IGF2: variants seen among roughly 807,000 people sequenced by gnomAD.
IGF2 encodes the protein insulin-like growth factor 2.
IGF2 carries 2 observed loss-of-function variants against 12.0 expected under a neutral mutation model. The ratio of observed to expected loss-of-function variants is 0.17; its 90% CI spans 0.07 to 0.52. The LOEUF is 0.52. Ranked by LOEUF, IGF2 falls within the 20% of genes least tolerant of loss-of-function variation. The probability of loss-of-function intolerance (pLI) is 0.95; values close to 1 mark genes in which losing one functional copy is unlikely to be tolerated. For missense variants in IGF2, 211 were observed against 268.0 expected (o/e 0.79, Z 1.48); for synonymous variants, 105 against 110.1 (o/e 0.95, Z 0.29).
At position 2,130,161 on chromosome 11, in the gene IGF2, C is replaced by G. The variant is rs965081074; in HGVS notation, c.*2826G>C. 4.3e-6 allele frequency: 1 copy of G among 230,764 alleles called. No individual in the cohort carries two copies. The highest frequency in any genetic ancestry group is 2.2e-5 in the African/African-American group (1 of 45,102). The allele number at this position is 230,764 out of a possible 1,614,324, so 14.3% of individuals were successfully genotyped here. A position where few individuals can be genotyped will look rare whatever the true frequency, so the allele number is the denominator to read the frequency against. ...CCTGATGGAACCCTCTGTTTACACACCTGCTAGCCCCTTCCCCTCCGGCCA... is the reference window on the plus strand; with the variant it reads ...CCTGATGGAACCCTCTGTTTACACAGCTGCTAGCCCCTTCCCCTCCGGCCA... On this transcript the variant is annotated 3_prime_UTR_variant, in exon 4 of 4. Transcript: ENST00000416167.
intron 1 of IGF2, 97 bp downstream of exon 1, chr11:2,138,132 C>T: frequency 2.6e-6 from 2 of 781,762 alleles, no homozygotes; most frequent in Non-Finnish European, 3.1e-6. Context: ...GCCCCGCAGG[C>T]CCCGGGCCGG....
chr11:2,137,109 G>A, intron 1 of IGF2: 1 of 459,332 alleles, frequency 2.2e-6, no homozygotes, highest in Non-Finnish European at 2.9e-6. Flanking sequence ...AGGCCCAGGC[G>A]TGGGCCGTGC....
Position 2,130,591 on chromosome 11 carries a change from A to C in IGF2, c.*2396T>G, listed in dbSNP as rs1343124693. 19 of 203,502 alleles carry C rather than the reference A, an allele frequency of 9.3e-5. No homozygotes were observed. The highest frequency in any genetic ancestry group is 2.4e-4 in the African/African-American group (9 of 38,216). 12.6% of individuals were successfully genotyped at this position (203,502 alleles called of 1,614,324 possible). A position where few individuals can be genotyped will look rare whatever the true frequency, so the allele number is the denominator to read the frequency against. On this transcript the variant is annotated 3_prime_UTR_variant, in exon 4 of 4. Coordinates refer to ENST00000416167, the MANE Select transcript of IGF2 (RefSeq NM_000612.6). The stretch of plus-strand genomic sequence containing the variant: ...CTAAGGAGGGGTAAAAAAAAAACAA[A>C]AAAAAAAAAAAAAGGAAAAATGCCC...
upstream of IGF2, chr11:2,140,435 C>G (rs1328471365): frequency 4.3e-6 from 3 of 704,930 alleles, no homozygotes; most frequent in African/African-American, 5.6e-5. Flanking sequence ...GAATCTCGCG[C>G]CCCCCTGGCC....
rs1003908359 is a variant in IGF2, at chr11:2,134,840, C to A, written c.157+527G>T. Among the ~76,000 whole-genome samples, 8 of 152,214 alleles carry A rather than the reference C, an allele frequency of 5.3e-5. No homozygotes were observed. The South Asian group carries it at 6.2e-4, about 12-fold the overall frequency. ...TTGAGGTCAGCAGGTGGGCACCCCC[C>A]ACGGCAGCCTTGGGGCCCAAGGAGG... On this transcript the variant is annotated intron_variant, in intron 2 of 3. Coordinates refer to ENST00000416167, the MANE Select transcript of IGF2 (RefSeq NM_000612.6).
upstream of IGF2, among the ~76,000 whole-genome samples, chr11:2,144,393 G>A (rs1008912935): frequency 2.0e-5 from 3 of 152,224 alleles, no homozygotes; most frequent in Non-Finnish European, 2.9e-5. Context: ...CACCCCCGGT[G>A]GCCACCTCCG....
chr11:2,145,284 C>G (rs1294031787), upstream of IGF2, among the ~76,000 whole-genome samples: 1 of 152,188 alleles, frequency 6.6e-6, no homozygotes, highest in Non-Finnish European at 1.5e-5. Flanking sequence ...TGCAGGGTGA[C>G]TTGTAAATTT....
At chr11:2,148,725 G>GA in the IGF2 span, 113 of 207,862 alleles carry the variant, frequency 5.4e-4, 1 homozygote, top group Middle Eastern at 3.7e-3. The surrounding 1 kb of genome is among the most constrained non-coding windows in gnomAD (Gnocchi z 4.3). Flanking sequence ...TGGGATGGGG[G>GA]ATGCAACGGG....
At chr11:2,139,448 G>A (rs2133609884), upstream of IGF2, 3 of 146,990 alleles carry the variant, frequency 2.0e-5, no homozygotes, top group East Asian at 4.0e-4. Context: ...CCCAGGGCCC[G>A]CGCGGGCCTC....
At chr11:2,140,193 A>C, upstream of IGF2, 1 of 1,613,208 alleles carries the variant, frequency 6.2e-7, no homozygotes, top group Non-Finnish European at 8.5e-7. Flanking sequence ...GCCCACCCAA[A>C]ATATCTGGAT....
the IGF2 span, chr11:2,147,896 C>G: frequency 9.9e-7 from 1 of 1,008,228 alleles, no homozygotes; most frequent in Non-Finnish European, 1.3e-6. The surrounding 1 kb of genome is among the most constrained non-coding windows in gnomAD (Gnocchi z 7.2). Context: ...AGCCCTGTCC[C>G]ATCCCCCTCC....
upstream of IGF2, chr11:2,140,601 T>G: frequency 2.0e-6 from 1 of 511,358 alleles, no homozygotes; most frequent in East Asian, 4.9e-5. Context: ...CCGCCCCACT[T>G]TGGGACCCTC....
At chr11:2,137,592 G>C in intron 1 of IGF2, among the ~76,000 whole-genome samples, 1 of 152,048 alleles carries the variant, frequency 6.6e-6, no homozygotes, top group East Asian at 1.9e-4. Flanking sequence ...ACTGGGCAGG[G>C]GCCGCGGCCT....
intron 2 of IGF2, among the ~76,000 whole-genome samples, chr11:2,134,746 C>T (rs1858874218): frequency 6.6e-6 from 1 of 152,092 alleles, no homozygotes; most frequent in Non-Finnish European, 1.5e-5. Context: ...GACAATGGGC[C>T]ATGCACCCAC....
In IGF2 at chr11:2,138,392, G is replaced by T. The variant is rs988506493; in HGVS notation, c.-170C>A. On this transcript the variant is annotated 5_prime_UTR_variant, in exon 1 of 4. Coordinates refer to ENST00000416167, the MANE Select transcript of IGF2 (RefSeq NM_000612.6). ...AGCGGGGGGATGGCTTTTTTTTGGG[G>T]GGGGGGGGAGAATTCGTCTGATTGT... 1.7e-5 allele frequency: 9 copies of T among 545,150 alleles called. No homozygotes were observed. The highest frequency in any genetic ancestry group is 1.5e-4 in the East Asian group (1 of 6,488). 33.8% of individuals were successfully genotyped at this position (545,150 alleles called of 1,614,324 possible). A position where few individuals can be genotyped will look rare whatever the true frequency, so the allele number is the denominator to read the frequency against.
upstream of IGF2, chr11:2,141,130 C>A: frequency 5.1e-6 from 1 of 195,428 alleles, no homozygotes; most frequent in Non-Finnish European, 1.1e-5. Flanking sequence ...TGTGTTTGGG[C>A]AACGCTAGAG....
upstream of IGF2, chr11:2,140,043 C>T (rs1440266066): frequency 2.9e-5 from 38 of 1,307,652 alleles, no homozygotes; most frequent in Non-Finnish European, 3.6e-5. Context: ...GCCGGCTGCG[C>T]CGGGCCGAAT....
chr11:2,133,268 T>A lies in IGF2; in HGVS notation c.307-45A>T. 7.4e-7 allele frequency: 1 copy of A among 1,355,820 alleles called. No homozygotes were observed. The highest frequency in any genetic ancestry group is 1.0e-6 in the Non-Finnish European group (1 of 992,938). The allele number at this position is 1,355,820 out of a possible 1,614,324, so 84.0% of individuals were successfully genotyped here. A position where few individuals can be genotyped will look rare whatever the true frequency, so the allele number is the denominator to read the frequency against. On this transcript the variant is annotated intron_variant, in intron 3 of 3. Coordinates refer to ENST00000416167, the MANE Select transcript of IGF2 (RefSeq NM_000612.6). The surrounding 1 kb of genome is among the most constrained non-coding windows in gnomAD (Gnocchi z 8.9). Reference sequence around the variant, plus strand: ...GTCAGCAGGTGCCTGCTCTCCACGCTCTTCCGCCTGAGCCGCCCGCCTGAC... The same window carrying A: ...GTCAGCAGGTGCCTGCTCTCCACGCACTTCCGCCTGAGCCGCCCGCCTGAC...
In IGF2 at chr11:2,138,396, G is replaced by GC. The variant is rs1478615919; in HGVS notation, c.-175_-174insG. ...GGGGGATGGCTTTTTTTTGGGGGGGGGGGGAGAATTCGTCTGATTGTCCAG... is the reference window on the plus strand; with the variant it reads ...GGGGGATGGCTTTTTTTTGGGGGGGGCGGGGAGAATTCGTCTGATTGTCCAG... On this transcript the variant is annotated 5_prime_UTR_variant, in exon 1 of 4. Transcript: ENST00000416167. The GC allele has an allele frequency of 6.0e-6, 3 of 501,970 alleles. No individual in the cohort carries two copies. The highest frequency in any genetic ancestry group is 5.1e-6 in the Non-Finnish European group (2 of 391,864). The allele number at this position is 501,970 out of a possible 1,614,324, so 31.1% of individuals were successfully genotyped here.
Sources: allele counts gnomAD v4.1 joint callset (sites outside exome capture counted in the v4.1 genomes callset), GRCh38; gene constraint gnomAD v4.1.1; non-coding constraint Gnocchi (gnomAD v3.1); transcripts MANE v1.5; gene names NCBI Gene and HGNC (gene_info 2026-07-23, HGNC 2026-07-21).